Variants in ZFHX4 observed in about 807,000 individuals in gnomAD.
ZFHX4 encodes zinc finger homeobox 4.
Under a neutral mutation model 267.6 loss-of-function variants are expected in ZFHX4, and 56 were observed. The ratio of observed to expected loss-of-function variants is 0.21; its 90% CI spans 0.17 to 0.26. The LOEUF is 0.26. Ranked by LOEUF, ZFHX4 falls within the 10% of genes least tolerant of loss-of-function variation. The pLI is 1.00. For missense variants in ZFHX4, 4,332 were observed against 4,420.0 expected (o/e 0.98, Z 0.56); for synonymous variants, 1,778 against 1,665.6 (o/e 1.07, Z -1.64).
Position 76,854,181 on chromosome 8 carries a change from C to T in ZFHX4, c.7260C>T (p.Pro2420=). 6.3e-7 allele frequency: 1 copy of T among 1,579,382 alleles called. No individual in the cohort carries two copies. Among genetic ancestry groups the T allele is most frequent in the Non-Finnish European group, 8.6e-7 (1 of 1,162,748 alleles). ...AGCCAAAGCAGAGTGACCCCTCTCC[C>T]CCTTCTCAAGGCACCAAACCAGCCC... ...AEKPKQSDPS[P]PSQGTKPALP... Residue 2420 remains proline, a synonymous_variant, in exon 10 of 11, where the codon CCC becomes CCT. Coordinates refer to ENST00000651372, the MANE Select transcript of ZFHX4 (RefSeq NM_024721.5).
intron 3 of ZFHX4, among the ~76,000 whole-genome samples, chr8:76,720,277 C>G (rs1231935867): frequency 6.6e-6 from 1 of 152,070 alleles, no homozygotes; most frequent in Non-Finnish European, 1.5e-5. Context: ...ATATGGGGTC[C>G]TTTGTGACTA....
intron 6 of ZFHX4, 128 bp from the exon 7 acceptor site, chr8:76,848,867 T>A (rs1245781014): frequency 1.1e-6 from 1 of 892,800 alleles, no homozygotes; most frequent in African/African-American, 1.7e-5. Context: ...ATTAGCATTA[T>A]TTAAAATGCT....
chr8:76,711,588 T>G (rs1808425862), intron 3 of ZFHX4, among the ~76,000 whole-genome samples: 1 of 152,188 alleles, frequency 6.6e-6, no homozygotes. Flanking sequence ...AGTCAGTTGA[T>G]AAAATAATTG....
chr8:76,776,250 G>T (rs1052598766), intron 3 of ZFHX4, among the ~76,000 whole-genome samples: 1 of 151,836 alleles, frequency 6.6e-6, no homozygotes, highest in Non-Finnish European at 1.5e-5. Flanking sequence ...CAATTGGGGT[G>T]AATGGTTACA....
At chr8:76,836,997 C>T (rs886798108) in intron 5 of ZFHX4, among the ~76,000 whole-genome samples, 3 of 151,910 alleles carry the variant, frequency 2.0e-5, no homozygotes, top group African/African-American at 7.3e-5. Context: ...TTGTTAATGG[C>T]AATGGTAAAG....
At chr8:76,847,241 A>C (rs964905516) in intron 6 of ZFHX4, among the ~76,000 whole-genome samples, 1 of 152,164 alleles carries the variant, frequency 6.6e-6, no homozygotes, top group African/African-American at 2.4e-5. Flanking sequence ...AAAGAAACAT[A>C]TATTTTTTGA....
rs1326054534 is a variant in ZFHX4 at position 76,705,337 on chromosome 8, A to C, written c.1249A>C (p.Asn417His). 6.2e-7 allele frequency: 1 copy of C among 1,613,950 alleles called. No homozygotes were observed. Among genetic ancestry groups the C allele is most frequent in the South Asian group, 1.1e-5 (1 of 91,078 alleles). ...GGGGGGGCTGTCTAGTTTAGTAGTG[A>C]ACACCCCAATTACCTCTGTCTCCCT... ...NLGGLSSLVVNTPITSVSLSH... is the reference protein window; with the variant it reads ...NLGGLSSLVVHTPITSVSLSH... The change falls in exon 2 of 11, where the codon AAC becomes CAC. Residue 417 changes from asparagine to histidine, a missense_variant. This residue lies in a region of ZFHX4 where 1,195 missense variants were observed against 1,173.6 expected (regional missense o/e 1.02). Coordinates refer to ENST00000651372, the MANE Select transcript of ZFHX4 (RefSeq NM_024721.5).
chr8:76,765,678 T>A (rs910758488), intron 3 of ZFHX4, among the ~76,000 whole-genome samples: 6 of 152,020 alleles, frequency 3.9e-5, no homozygotes, highest in Non-Finnish European at 8.8e-5. Flanking sequence ...CGTCAGAAAA[T>A]AAACTGTCAC....
At chr8:76,708,201 T>C (rs1457916744) in intron 3 of ZFHX4, 153 bp downstream of exon 3, 1 of 920,462 alleles carries the variant, frequency 1.1e-6, no homozygotes, top group Non-Finnish European at 1.6e-6. Flanking sequence ...TATAAAAACA[T>C]ATTGAAATAT....
At chr8:76,682,610 C>A (rs1194469431) in intron 1 of ZFHX4, 1 of 152,380 alleles carries the variant, frequency 6.6e-6, no homozygotes, top group Middle Eastern at 3.2e-3. Flanking sequence ...GTTAGACCAG[C>A]GGATAGACGC....
intron 3 of ZFHX4, among the ~76,000 whole-genome samples, chr8:76,774,655 A>G (rs1364727384): frequency 1.3e-5 from 2 of 152,116 alleles, no homozygotes; most frequent in African/African-American, 4.8e-5. Context: ...TTCTCATAAA[A>G]ATTAGAATTG....
intron 3 of ZFHX4, among the ~76,000 whole-genome samples, chr8:76,711,156 T>C (rs1260138378): frequency 6.6e-6 from 1 of 152,126 alleles, no homozygotes; most frequent in African/African-American, 2.4e-5. Context: ...TAATGATGAC[T>C]GCAAAAACAA....
In ZFHX4 at chr8:76,863,820, A is replaced by G. The variant is rs1481389273; in HGVS notation, c.10106A>G (p.Asp3369Gly). 1 of 1,552,696 alleles carries G rather than the reference A, an allele frequency of 6.4e-7. No individual in the cohort carries two copies. The highest frequency in any genetic ancestry group is 8.7e-7 in the Non-Finnish European group (1 of 1,147,410). ...AACGATGCTTCAGAAACAAAGGAAG[A>G]CAAAAGTACTGCTACAGAAAGCACA... is the stretch of plus-strand genomic sequence containing the variant. ...NSNDASETKE[D>G]KSTATESTKE... The change falls in exon 11 of 11, where the codon GAC becomes GGC. Residue 3369 changes from aspartate (D) to glycine (G), a missense_variant. Physicochemically the swap from Asp to Gly is moderately conservative, Grantham distance 94. Transcript: ENST00000651372.
At chr8:76,770,688 A>C (rs1453848931) in intron 3 of ZFHX4, among the ~76,000 whole-genome samples, 3 of 152,196 alleles carry the variant, frequency 2.0e-5, no homozygotes, top group Non-Finnish European at 4.4e-5. Flanking sequence ...AAGTACAACA[A>C]GGAAAAAAAT....
At chr8:76,859,629 C>A (rs1812817070) in intron 10 of ZFHX4, among the ~76,000 whole-genome samples, 1 of 152,086 alleles carries the variant, frequency 6.6e-6, no homozygotes, top group Non-Finnish European at 1.5e-5. Flanking sequence ...ACTGCCTAAG[C>A]TGATTTCCTT....
chr8:76,743,205 C>T (rs1239496786), intron 3 of ZFHX4, among the ~76,000 whole-genome samples: 3 of 152,160 alleles, frequency 2.0e-5, no homozygotes, highest in African/African-American at 7.2e-5. Flanking sequence ...CAGATTGAAT[C>T]TCAGAGACTG....
At chr8:76,803,740 G>T (rs1039369451) in intron 4 of ZFHX4, among the ~76,000 whole-genome samples, 1 of 152,030 alleles carries the variant, frequency 6.6e-6, no homozygotes, top group Admixed American at 6.6e-5. Flanking sequence ...AAACAAGAAA[G>T]CCACAAATAC....
At chr8:76,735,775 G>C (rs972458388) in intron 3 of ZFHX4, among the ~76,000 whole-genome samples, 2 of 152,046 alleles carry the variant, frequency 1.3e-5, no homozygotes, top group African/African-American at 4.8e-5. Context: ...GGGAGAAGAT[G>C]TGTTTAGGCG....
At chr8:76,713,282 AAGATAGATAGAT>A (rs142140233) in intron 3 of ZFHX4, among the ~76,000 whole-genome samples, 19 of 143,186 alleles carry the variant, frequency 1.3e-4, no homozygotes, top group South Asian at 2.3e-4. Flanking sequence ...GATAGATAGA[AAGATAGATAGAT>A]AGATAGATAG....
Sources: allele counts gnomAD v4.1 joint callset (sites outside exome capture counted in the v4.1 genomes callset), GRCh38; gene constraint gnomAD v4.1.1; regional missense constraint gnomAD v4.1.1; transcripts MANE v1.5; gene names NCBI Gene and HGNC (gene_info 2026-07-23, HGNC 2026-07-21).